The following PALS2 variants were observed in gnomAD, a reference collection of about 807,000 sequenced individuals.
The protein encoded by PALS2 is protein PALS2.
PALS2 carries 27 observed loss-of-function variants against 61.6 expected under a neutral mutation model. The ratio of observed to expected loss-of-function variants is 0.44; its 90% CI spans 0.32 to 0.60. PALS2 has a LOEUF of 0.60. PALS2 is among the 20% of genes least tolerant of loss of function. PALS2 has a pLI of 0.05. For synonymous variants in PALS2, 236 were observed against 218.6 expected, an observed-to-expected ratio of 1.08 and a Z score of -0.70; for missense variants, 554 against 639.4, an observed-to-expected ratio of 0.87 and a Z score of 1.44.
chr7:24,593,685 T>G (rs1783386957), intron 1 of PALS2, among the ~76,000 whole-genome samples: 4 of 152,088 alleles, frequency 2.6e-5, no homozygotes, highest in Admixed American at 2.6e-4. Flanking sequence ...CAGTAATATT[T>G]TGAAAGGAAT....
intron 2 of PALS2, among the ~76,000 whole-genome samples, chr7:24,628,851 A>T (rs1403538375): frequency 6.6e-6 from 1 of 152,228 alleles, no homozygotes; most frequent in Non-Finnish European, 1.5e-5. Flanking sequence ...GGACACAAAC[A>T]AATGGAAAAA....
chr7:24,600,877 T>C (rs888339973), intron 1 of PALS2, among the ~76,000 whole-genome samples: 1 of 152,182 alleles, frequency 6.6e-6, no homozygotes, highest in Non-Finnish European at 1.5e-5. Flanking sequence ...GTTATAATTA[T>C]TTGATTTTTC....
chr7:24,603,226 C>T (rs1224922257), intron 1 of PALS2, among the ~76,000 whole-genome samples: 1 of 152,162 alleles, frequency 6.6e-6, no homozygotes, highest in Non-Finnish European at 1.5e-5. Flanking sequence ...CCTGAATTAA[C>T]TGAGACAGTG....
chr7:24,681,274 T>G (rs1787912962), intron 11 of PALS2, among the ~76,000 whole-genome samples: 2 of 152,174 alleles, frequency 1.3e-5, no homozygotes, highest in African/African-American at 4.8e-5. Flanking sequence ...AAAGAGGGAA[T>G]AAATGAGTCC....
intron 1 of PALS2, among the ~76,000 whole-genome samples, chr7:24,591,389 C>T (rs771914300): frequency 1.3e-5 from 2 of 152,088 alleles, no homozygotes; most frequent in East Asian, 1.9e-4. Flanking sequence ...TGTAGCTTGA[C>T]ATACGTGGGC....
At position 24,690,425 on chromosome 7, in the gene PALS2, C is replaced by G. The variant is rs754033567; in HGVS notation, c.*2811C>G. ...AGCAATTGTTAAGAGTTGAAATAGACACACACATGCATGTGCTTTTGGGAA... is the reference window on the plus strand; with the variant it reads ...AGCAATTGTTAAGAGTTGAAATAGAGACACACATGCATGTGCTTTTGGGAA... On this transcript the variant is annotated 3_prime_UTR_variant, in exon 12 of 12. Coordinates refer to ENST00000222644, the MANE Select transcript of PALS2 (RefSeq NM_001303037.2). 2.6e-5 allele frequency: 4 copies of G among 152,164 alleles called. No homozygotes were observed. The highest frequency in any genetic ancestry group is 6.5e-5 in the Admixed American group (1 of 15,278). 9.4% of individuals were successfully genotyped at this position (152,164 alleles called of 1,614,324 possible).
chr7:24,680,750 C>T (rs1787882796), intron 11 of PALS2, among the ~76,000 whole-genome samples: 1 of 152,200 alleles, frequency 6.6e-6, no homozygotes, highest in South Asian at 2.1e-4. Context: ...CATGCGCTAC[C>T]AGGCCTGGCT....
rs1788311799 is a variant in PALS2 at position 24,688,404 on chromosome 7, C to T, written c.*790C>T. On this transcript the variant is annotated 3_prime_UTR_variant, in exon 12 of 12. Transcript: ENST00000222644. ...CATGCAGACTGAGAGAGTGCCTTAT[C>T]CTGTAAAACCTTACAGCAAAATGAC... The T allele has an allele frequency of 1.3e-5, 2 of 152,142 alleles. No homozygotes were observed. The highest frequency in any genetic ancestry group is 2.9e-5 in the Non-Finnish European group (2 of 68,016). The allele number at this position is 152,142 out of a possible 1,614,324, so 9.4% of individuals were successfully genotyped here. A position where few individuals can be genotyped will look rare whatever the true frequency, so the allele number is the denominator to read the frequency against.
chr7:24,661,968 A>G (rs1278756051), intron 5 of PALS2, among the ~76,000 whole-genome samples: 2 of 152,120 alleles, frequency 1.3e-5, no homozygotes, highest in African/African-American at 2.4e-5. Flanking sequence ...AAATTTAATT[A>G]TTTTGGTTTT....
At chr7:24,607,483 AAC>A (rs975094141) in intron 1 of PALS2, among the ~76,000 whole-genome samples, 9 of 151,252 alleles carry the variant, frequency 6.0e-5, no homozygotes, top group African/African-American at 2.2e-4. Context: ...TCTCTCTCTG[AAC>A]ACACACATGA....
Position 24,680,430 on chromosome 7 carries a change from T to C in PALS2, c.1356T>C (p.Tyr452=), listed in dbSNP as rs1447373742. The C allele has an allele frequency of 1.9e-6, 3 of 1,613,470 alleles. No individual in the cohort carries two copies. The highest frequency in any genetic ancestry group is 1.7e-5 in the Admixed American group (1 of 60,022). Residue 452 remains tyrosine (Y), a synonymous_variant, in exon 11 of 12, where the codon TAT becomes TAC. Coordinates refer to ENST00000222644, the MANE Select transcript of PALS2 (RefSeq NM_001303037.2). ...TGAGGACATCAGAGTTTATGCCCTA[T>C]GTGGTATTTATTGCGGCTCCGGAGC... ...KVLRTSEFMP[Y]VVFIAAPELE...
intron 1 of PALS2, among the ~76,000 whole-genome samples, chr7:24,602,689 A>G (rs1465925176): frequency 6.6e-6 from 1 of 152,170 alleles, no homozygotes; most frequent in African/African-American, 2.4e-5. Context: ...TACTCTCTCC[A>G]GAAAATAAGC....
At chr7:24,581,246 T>TGTG (rs1234627874) in intron 1 of PALS2, among the ~76,000 whole-genome samples, 1 of 7,568 alleles carries the variant, frequency 1.3e-4, no homozygotes, top group African/African-American at 2.2e-3. Context: ...TTTCCCCACG[T>TGTG]GTGTGTGTGT....
rs1338507538 is a variant in PALS2 at position 24,688,186 on chromosome 7, T to A, written c.*572T>A. The A allele has an allele frequency of 2.0e-5, 3 of 152,252 alleles. No homozygotes were observed. The highest frequency in any genetic ancestry group is 4.4e-5 in the Non-Finnish European group (3 of 68,048). The allele number at this position is 152,252 out of a possible 1,614,324, so 9.4% of individuals were successfully genotyped here. Reference sequence around the variant, plus strand: ...TGATCAGTTTACGTATTTTCATTATTTCGGAGATGTATGGCTATCCATTCT... The same window carrying A: ...TGATCAGTTTACGTATTTTCATTATATCGGAGATGTATGGCTATCCATTCT... On this transcript the variant is annotated 3_prime_UTR_variant, in exon 12 of 12. Coordinates refer to ENST00000222644, the MANE Select transcript of PALS2 (RefSeq NM_001303037.2).
At chr7:24,609,316 G>A (rs989677462) in intron 1 of PALS2, among the ~76,000 whole-genome samples, 1 of 152,172 alleles carries the variant, frequency 6.6e-6, no homozygotes, top group Admixed American at 6.5e-5. Context: ...TGAGTAAGTG[G>A]TGGGTTTGTC....
At chr7:24,595,524 T>A (rs867054718) in intron 1 of PALS2, among the ~76,000 whole-genome samples, 7,370 of 130,564 alleles carry the variant, frequency 0.056, 277 homozygotes, top group African/African-American at 0.088. Flanking sequence ...ATAATATATA[T>A]AATATATAAT....
chr7:24,678,989 A>G (rs1787772534), intron 9 of PALS2, 142 bp from the exon 10 acceptor site: 1 of 658,068 alleles, frequency 1.5e-6, no homozygotes, highest in South Asian at 2.0e-5. Flanking sequence ...TTATTTACAA[A>G]AATAAGAAGC....
At chr7:24,620,977 T>C (rs1784478587) in intron 1 of PALS2, among the ~76,000 whole-genome samples, 1 of 152,104 alleles carries the variant, frequency 6.6e-6, no homozygotes, top group African/African-American at 2.4e-5. Context: ...TAAAAACAAA[T>C]GTACAATGTC....
At chr7:24,621,892 C>G (rs1269941934) in intron 1 of PALS2, among the ~76,000 whole-genome samples, 1 of 152,002 alleles carries the variant, frequency 6.6e-6, no homozygotes, top group Non-Finnish European at 1.5e-5. Flanking sequence ...GCGTCACTCT[C>G]TAACATGTAC....
Sources: allele counts gnomAD v4.1 joint callset (sites outside exome capture counted in the v4.1 genomes callset), GRCh38; gene constraint gnomAD v4.1.1; transcripts MANE v1.5; gene names NCBI Gene and HGNC (gene_info 2026-07-23, HGNC 2026-07-21).